The following GRIA1 variants were observed in gnomAD, a reference collection of about 807,000 sequenced individuals.
GRIA1 encodes glutamate ionotropic receptor AMPA type subunit 1, also known as glutamate receptor 1.
In GRIA1, 31 loss-of-function variants were observed where a neutral mutation model predicts 99.2. The observed-to-expected ratio is 0.31, with a 90% confidence interval of 0.23 to 0.42. The LOEUF (loss-of-function observed/expected upper bound fraction) is 0.42. GRIA1 is among the 10% of genes least tolerant of loss of function. The pLI, the probability that GRIA1 is intolerant of heterozygous loss-of-function variation, is 1.00. For missense variants in GRIA1, 782 were observed against 1,157.5 expected (o/e 0.68, Z 4.71); for synonymous variants, 438 against 432.4 (o/e 1.01, Z -0.16).
chr5:153,755,967 C>T (rs1252439522), intron 11 of GRIA1, among the ~76,000 whole-genome samples: 1 of 152,230 alleles, frequency 6.6e-6, no homozygotes, highest in Non-Finnish European at 1.5e-5. Flanking sequence ...TGGCTTTGAG[C>T]CTGCAACCAA....
chr5:153,753,388 A>G (rs574816912), intron 11 of GRIA1, among the ~76,000 whole-genome samples: 23 of 152,350 alleles, frequency 1.5e-4, no homozygotes, highest in Non-Finnish European at 2.6e-4. Context: ...CTGAGATCCA[A>G]CATCACAGGA....
chr5:153,559,829 A>C (rs1205818764), intron 2 of GRIA1, among the ~76,000 whole-genome samples: 5 of 151,500 alleles, frequency 3.3e-5, no homozygotes, highest in Non-Finnish European at 5.9e-5. Context: ...AATTTTATAC[A>C]AAAAAAAATT....
At chr5:153,774,472 A>G (rs1764092548) in intron 13 of GRIA1, among the ~76,000 whole-genome samples, 1 of 152,236 alleles carries the variant, frequency 6.6e-6, no homozygotes, top group South Asian at 2.1e-4. Context: ...CTACAAAAAA[A>G]GTGCTTGAGT....
At chr5:153,676,967 C>A in intron 6 of GRIA1, 27 bp from the exon 7 acceptor site, 1 of 1,365,370 alleles carries the variant, frequency 7.3e-7, no homozygotes. Context: ...CTCTTTGATA[C>A]CTAACTGTCT....
intron 2 of GRIA1, among the ~76,000 whole-genome samples, chr5:153,626,827 CA>C (rs910311537): frequency 6.6e-6 from 1 of 151,810 alleles, no homozygotes; most frequent in Non-Finnish European, 1.5e-5. Context: ...TGGTTAAATC[CA>C]AAAAAAGAGC....
chr5:153,543,999 TAGGGTGGTG>T (rs1339667214), intron 2 of GRIA1, among the ~76,000 whole-genome samples: 1 of 151,834 alleles, frequency 6.6e-6, no homozygotes, highest in East Asian at 1.9e-4. Flanking sequence ...ACTCTTTAAA[TAGGGTGGTG>T]AGGGAAGGCC....
At chr5:153,627,824 T>C (rs1316068659) in intron 2 of GRIA1, among the ~76,000 whole-genome samples, 1 of 152,216 alleles carries the variant, frequency 6.6e-6, no homozygotes, top group Non-Finnish European at 1.5e-5. Flanking sequence ...AGTTGTATCA[T>C]GGTCGGTAGA....
intron 2 of GRIA1, among the ~76,000 whole-genome samples, chr5:153,556,357 AAT>A (rs1760645510): frequency 6.6e-6 from 1 of 152,170 alleles, no homozygotes; most frequent in Non-Finnish European, 1.5e-5. Flanking sequence ...CAGCCGACTT[AAT>A]ATGTCTCCTA....
At chr5:153,645,845 G>A (rs1192301541) in intron 2 of GRIA1, among the ~76,000 whole-genome samples, 3 of 152,180 alleles carry the variant, frequency 2.0e-5, no homozygotes, top group Non-Finnish European at 2.9e-5. Context: ...AGGATGTGAT[G>A]AGGACTAAAT....
intron 2 of GRIA1, among the ~76,000 whole-genome samples, chr5:153,603,314 G>A (rs57078507): frequency 1.3e-5 from 2 of 152,056 alleles, no homozygotes; most frequent in Non-Finnish European, 2.9e-5. Flanking sequence ...TCTTAATCCA[G>A]TCTATCATTG....
At chr5:153,807,251 C>A (rs952401720) in intron 15 of GRIA1, among the ~76,000 whole-genome samples, 4 of 152,188 alleles carry the variant, frequency 2.6e-5, no homozygotes, top group African/African-American at 9.6e-5. Flanking sequence ...AGCACCACTG[C>A]GTGCTGGGCA....
chr5:153,695,947 A>G (rs1758061638), intron 8 of GRIA1, among the ~76,000 whole-genome samples: 1 of 152,216 alleles, frequency 6.6e-6, no homozygotes, highest in Admixed American at 6.5e-5. Context: ...AGACTAAGAC[A>G]GGAACTCTGG....
chr5:153,564,842 T>A (rs965461773), intron 2 of GRIA1, among the ~76,000 whole-genome samples: 1 of 152,216 alleles, frequency 6.6e-6, no homozygotes, highest in Non-Finnish European at 1.5e-5. Context: ...CCTCTCCTTG[T>A]CAGATCTGTG....
chr5:153,543,690 C>G (rs1444447064), intron 2 of GRIA1, among the ~76,000 whole-genome samples: 2 of 151,926 alleles, frequency 1.3e-5, no homozygotes, highest in African/African-American at 2.4e-5. Flanking sequence ...TTATGGAAAT[C>G]AAATGAGATT....
Position 153,685,920 on chromosome 5 carries a change from A to G in GRIA1, c.1030-305A>G, listed in dbSNP as rs184293655. The stretch of plus-strand genomic sequence containing the variant: ...GGGCAGTGGTCATAGTGGTTGTGTG[A>G]TGGGAGGTGTTTGGTTAGGGATGGT... On this transcript the variant is annotated intron_variant, in intron 7 of 15. Transcript: ENST00000285900. 5.5e-3 allele frequency among the ~76,000 whole-genome samples: 833 copies of G among 152,228 alleles called. 3 individuals are homozygous for G. The highest frequency in any genetic ancestry group is 8.8e-3 in the Non-Finnish European group (598 of 68,018).
chr5:153,726,285 G>T (rs1241752228), intron 11 of GRIA1, among the ~76,000 whole-genome samples: 1 of 148,032 alleles, frequency 6.8e-6, no homozygotes, highest in Non-Finnish European at 1.5e-5. Flanking sequence ...ACAAGAGAAT[G>T]CAGGAAAGAT....
At chr5:153,717,388 G>A (rs771296201) in intron 11 of GRIA1, among the ~76,000 whole-genome samples, 5 of 152,064 alleles carry the variant, frequency 3.3e-5, no homozygotes, top group African/African-American at 1.2e-4. Flanking sequence ...GTGAGCAAGC[G>A]CACTAAGGTG....
At chr5:153,662,413 C>T (rs1755436286) in intron 5 of GRIA1, among the ~76,000 whole-genome samples, 1 of 152,214 alleles carries the variant, frequency 6.6e-6, no homozygotes. Context: ...AGAAAAATCA[C>T]AGCCTGTGAA....
chr5:153,704,388 C>A (rs529192156), intron 10 of GRIA1, among the ~76,000 whole-genome samples: 1 of 152,200 alleles, frequency 6.6e-6, no homozygotes, highest in Non-Finnish European at 1.5e-5. Context: ...ATCTCTTGAT[C>A]TCAGGCCAAC....
Sources: gnomAD v4.1 joint callset for allele counts (sites outside exome capture counted in the v4.1 genomes callset) on GRCh38, gnomAD v4.1.1 for gene constraint, MANE v1.5 for transcripts, NCBI Gene and HGNC (gene_info 2026-07-23, HGNC 2026-07-21) for gene names.